SEMA3E: variants seen among roughly 807,000 people sequenced by gnomAD.
The protein encoded by SEMA3E is semaphorin 3E.
A neutral mutation model predicts 93.6 loss-of-function variants in SEMA3E; 49 were observed. The ratio of observed to expected loss-of-function variants is 0.52; its 90% CI spans 0.42 to 0.66. The LOEUF (loss-of-function observed/expected upper bound fraction) is 0.66. Ranked by LOEUF, SEMA3E falls within the 30% of genes least tolerant of loss-of-function variation. SEMA3E has a pLI of 0.00. For synonymous variants in SEMA3E, 363 were observed against 330.7 expected (o/e 1.10, Z -1.06); for missense variants, 906 against 964.8 (o/e 0.94, Z 0.81).
chr7:83,586,307 A>C (rs1289113290), intron 1 of SEMA3E, among the ~76,000 whole-genome samples: 2 of 152,174 alleles, frequency 1.3e-5, no homozygotes, highest in Non-Finnish European at 2.9e-5. Context: ...TTGGACATAC[A>C]ACCCCATGTC....
intron 1 of SEMA3E, among the ~76,000 whole-genome samples, chr7:83,631,292 A>G (rs1375410223): frequency 6.6e-6 from 1 of 152,150 alleles, no homozygotes; most frequent in Non-Finnish European, 1.5e-5. Context: ...TAATATTTAT[A>G]AAGAAAACTG....
At chr7:83,493,911 T>C (rs1790435791) in intron 1 of SEMA3E, among the ~76,000 whole-genome samples, 1 of 151,928 alleles carries the variant, frequency 6.6e-6, no homozygotes, top group Non-Finnish European at 1.5e-5. Flanking sequence ...CCATTATAGG[T>C]GAATATTTGT....
At chr7:83,372,328 A>C in intron 16 of SEMA3E, 3 of 398,018 alleles carry the variant, frequency 7.5e-6, no homozygotes, top group Non-Finnish European at 1.3e-5. Context: ...ATTGAATATG[A>C]TCTTTTGTTG....
chr7:83,462,698 C>T (rs1018143333), intron 4 of SEMA3E, among the ~76,000 whole-genome samples: 1 of 150,724 alleles, frequency 6.6e-6, no homozygotes, highest in African/African-American at 2.5e-5. Flanking sequence ...TGTTATCACT[C>T]GCCTGCTACA....
intron 1 of SEMA3E, among the ~76,000 whole-genome samples, chr7:83,592,404 T>G (rs1321909339): frequency 2.0e-5 from 3 of 152,152 alleles, no homozygotes; most frequent in African/African-American, 7.2e-5. Context: ...GAGTCTATTC[T>G]GTGTTTTAGT....
intron 14 of SEMA3E, among the ~76,000 whole-genome samples, chr7:83,387,879 T>TTATATATATATAACATTATATATG (rs1787914093): frequency 1.4e-5 from 2 of 145,468 alleles, no homozygotes; most frequent in African/African-American, 2.5e-5. Flanking sequence ...TATATATATG[T>TTATATATATATAACATTATATATG]TTATATATAT....
chr7:83,512,405 A>G (rs547974660), intron 1 of SEMA3E, among the ~76,000 whole-genome samples: 1 of 152,342 alleles, frequency 6.6e-6, no homozygotes, highest in Non-Finnish European at 1.5e-5. Context: ...AGGGACTCAC[A>G]AAATAGAGAA....
intron 14 of SEMA3E, among the ~76,000 whole-genome samples, chr7:83,391,146 G>A (rs1286060507): frequency 1.3e-5 from 2 of 151,902 alleles, no homozygotes; most frequent in African/African-American, 4.8e-5. Flanking sequence ...CTATTTCTTT[G>A]TGCAGACAAT....
At chr7:83,424,570 T>C (rs926625712) in intron 4 of SEMA3E, among the ~76,000 whole-genome samples, 1 of 152,186 alleles carries the variant, frequency 6.6e-6, no homozygotes, top group Non-Finnish European at 1.5e-5. Flanking sequence ...TTCCAAAATC[T>C]CTTTACCTTA....
chr7:83,443,006 C>A (rs1354108844), intron 4 of SEMA3E, among the ~76,000 whole-genome samples: 1 of 149,922 alleles, frequency 6.7e-6, no homozygotes, highest in Non-Finnish European at 1.5e-5. Flanking sequence ...CTGGGGAAAC[C>A]AGAAGGGGAA....
chr7:83,557,273 T>C (rs1417771604), intron 1 of SEMA3E, among the ~76,000 whole-genome samples: 1 of 151,720 alleles, frequency 6.6e-6, no homozygotes, highest in Non-Finnish European at 1.5e-5. Flanking sequence ...TACTAATTTT[T>C]ACTGTACAGA....
intron 4 of SEMA3E, among the ~76,000 whole-genome samples, chr7:83,454,844 C>T (rs1052790670): frequency 6.6e-6 from 1 of 152,140 alleles, no homozygotes; most frequent in African/African-American, 2.4e-5. Context: ...ATAGTAATCT[C>T]CTGCTGTCAC....
chr7:83,600,120 C>T (rs570992036), intron 1 of SEMA3E, among the ~76,000 whole-genome samples: 1 of 152,204 alleles, frequency 6.6e-6, no homozygotes, highest in African/African-American at 2.4e-5. Flanking sequence ...CCTACAGACT[C>T]GATAACAGAC....
chr7:83,537,017 G>GTC (rs548468513), intron 1 of SEMA3E, among the ~76,000 whole-genome samples: 1 of 151,366 alleles, frequency 6.6e-6, no homozygotes, highest in African/African-American at 2.4e-5. Flanking sequence ...ATCTTTCTCT[G>GTC]TCTCTCTCTC....
At chr7:83,514,664 T>C (rs1790891837) in intron 1 of SEMA3E, among the ~76,000 whole-genome samples, 1 of 152,182 alleles carries the variant, frequency 6.6e-6, no homozygotes, top group African/African-American at 2.4e-5. Flanking sequence ...TTTTCCCTTT[T>C]TAATTGGAAA....
intron 1 of SEMA3E, among the ~76,000 whole-genome samples, chr7:83,504,281 C>T (rs1790652298): frequency 6.6e-6 from 1 of 152,106 alleles, no homozygotes; most frequent in Admixed American, 6.5e-5. Flanking sequence ...TCTTTTATAT[C>T]CTGTTAATTT....
At chr7:83,459,619 TGTTA>T (rs1300696083) in intron 4 of SEMA3E, among the ~76,000 whole-genome samples, 2 of 152,090 alleles carry the variant, frequency 1.3e-5, no homozygotes, top group South Asian at 2.1e-4. Context: ...GTATTTTGGA[TGTTA>T]GTTAATCTAC....
chr7:83,469,120 T>G, intron 3 of SEMA3E, 123 bp downstream of exon 3: 2 of 734,250 alleles, frequency 2.7e-6, no homozygotes, highest in Admixed American at 4.6e-5. Flanking sequence ...ATATTTTTTC[T>G]TCATGAACCA....
chr7:83,444,594 A>G (rs1285600728), intron 4 of SEMA3E, among the ~76,000 whole-genome samples: 1 of 152,176 alleles, frequency 6.6e-6, no homozygotes, highest in Non-Finnish European at 1.5e-5. Flanking sequence ...GAAAGCATGC[A>G]ATGTTGGAAA....
Sources: gnomAD v4.1 joint callset for allele counts (sites outside exome capture counted in the v4.1 genomes callset) on GRCh38, gnomAD v4.1.1 for gene constraint, MANE v1.5 for transcripts, NCBI Gene and HGNC (gene_info 2026-07-23, HGNC 2026-07-21) for gene names.